EXO1: variants seen among roughly 807,000 people sequenced by gnomAD.
EXO1 encodes exonuclease 1.
EXO1 carries 69 observed loss-of-function variants against 84.5 expected under a neutral mutation model. The ratio of observed to expected loss-of-function variants is 0.82; its 90% confidence interval spans 0.67 to 1.00. The LOEUF is 1.00. Ranked by LOEUF, EXO1 falls within the 50% of genes least tolerant of loss-of-function variation. The pLI, the probability that EXO1 is intolerant of heterozygous loss-of-function variation, is 0.00. For missense variants in EXO1, 1,045 were observed against 1,000.7 expected (o/e 1.04, Z -0.60); for synonymous variants, 373 against 366.1 (o/e 1.02, Z -0.21).
chr1:241,881,953 G>C lies in EXO1; in HGVS notation c.2147G>C (p.Ser716Thr). 6.3e-7 allele frequency: 1 copy of C among 1,582,838 alleles called. No homozygotes were observed. The highest frequency in any genetic ancestry group is 8.7e-7 in the Non-Finnish European group (1 of 1,153,864). ...AATATTAAGTTACTTGACAGTCAAAGTGACCAGACCTCCAAGCTACGTTTA... is the reference window on the plus strand; with the variant it reads ...AATATTAAGTTACTTGACAGTCAAACTGACCAGACCTCCAAGCTACGTTTA... ...DCNIKLLDSQ[S>T]DQTSKLRLSH... Residue 716 changes from serine to threonine, a missense_variant, in exon 14 of 16, where the codon AGT (serine) becomes ACT (threonine). Physicochemically the swap from Ser to Thr is moderately conservative, Grantham distance 58. Transcript: ENST00000366548.
In EXO1 at chr1:241,853,433, C is replaced by T. The variant is rs768725549; in HGVS notation, c.357C>T (p.Phe119=). The T allele has an allele frequency of 1.9e-6, 3 of 1,613,850 alleles. No individual in the cohort carries two copies. The highest frequency in any genetic ancestry group is 1.7e-5 in the Admixed American group (1 of 59,982). ...AAGTCTCGGAAGCTCGAGAGTGTTT[C>T]ACCCGGTCTATCAATATCACACATG... The part of the protein sequence containing the change: ...EGKVSEAREC[F]TRSINITHAM... Residue 119 remains phenylalanine (F), a synonymous_variant, in exon 6 of 16, where the codon TTC becomes TTT. Coordinates refer to ENST00000366548, the MANE Select transcript of EXO1 (RefSeq NM_130398.4).
intron 8 of EXO1, among the ~76,000 whole-genome samples, chr1:241,859,274 T>TA (rs1244701037): frequency 6.6e-6 from 1 of 152,158 alleles, no homozygotes; most frequent in Non-Finnish European, 1.5e-5. Context: ...AGAGGAATCA[T>TA]ACATTTATGC....
At position 241,879,005 on chromosome 1, in the gene EXO1, A is replaced by G; in HGVS notation, c.1771A>G (p.Ser591Gly). Residue 591 changes from serine (S) to glycine (G), a missense_variant, in exon 13 of 16, where the codon AGC (serine) becomes GGC (glycine). Physicochemically the swap from Ser to Gly is moderately conservative, Grantham distance 56 (BLOSUM62 0). Coordinates refer to ENST00000366548, the MANE Select transcript of EXO1 (RefSeq NM_130398.4). ...TDEESYSFES[S>G]KFTRTISPPT... is the part of the protein sequence containing the mutation. ...TGAAGAGTCCTACTCTTTTGAGAGC[A>G]GCAAATTTACAAGGACCATTTCACC... The G allele has an allele frequency of 3.7e-6, 6 of 1,614,204 alleles. No homozygotes were observed. Among genetic ancestry groups the G allele is most frequent in the Non-Finnish European group, 5.1e-6 (6 of 1,180,020 alleles).
At chr1:241,883,408 T>C (rs1300640436) in intron 14 of EXO1, among the ~76,000 whole-genome samples, 1 of 152,198 alleles carries the variant, frequency 6.6e-6, no homozygotes. Flanking sequence ...GCTGTGTCCT[T>C]ACATGGTAGA....
Position 241,879,066 on chromosome 1 carries a change from G to A in EXO1, c.1832G>A (p.Trp611Ter). 1 of 1,614,172 alleles carries A rather than the reference G, an allele frequency of 6.2e-7. No homozygotes were observed. The highest frequency in any genetic ancestry group is 8.5e-7 in the Non-Finnish European group (1 of 1,180,028). Reference sequence around the variant, plus strand: ...GGAACACTAAGAAGTTGTTTTAGTTGGTCTGGAGGTCTTGGAGATTTTTCA... The same window carrying A: ...GGAACACTAAGAAGTTGTTTTAGTTAGTCTGGAGGTCTTGGAGATTTTTCA... Reference protein sequence around the residue: ...TLGTLRSCFSWSGGLGDFSRT... With the variant: ...TLGTLRSCFS Residue 611 changes from tryptophan to a stop codon, truncating the protein, a stop_gained, in exon 13 of 16, where the codon TGG (tryptophan) becomes TAG (stop). Coordinates refer to ENST00000366548, the MANE Select transcript of EXO1 (RefSeq NM_130398.4). LOFTEE classifies it high-confidence loss of function.
chr1:241,886,151 C>T (rs999433984), intron 15 of EXO1, among the ~76,000 whole-genome samples: 2 of 152,156 alleles, frequency 1.3e-5, no homozygotes, highest in Non-Finnish European at 2.9e-5. Flanking sequence ...CACGCCCAGA[C>T]AAGAATAAAA....
At position 241,889,806 on chromosome 1, in the gene EXO1, G is replaced by A. The variant is rs1001941501; in HGVS notation, c.*206G>A. On this transcript the variant is annotated 3_prime_UTR_variant, in exon 16 of 16. Coordinates refer to ENST00000366548, the MANE Select transcript of EXO1 (RefSeq NM_130398.4). ...TATTTTTATAAGAAGCTAAATAGAAGAATAATTGTATCTCTGACAGGTTTT... is the reference window on the plus strand; with the variant it reads ...TATTTTTATAAGAAGCTAAATAGAAAAATAATTGTATCTCTGACAGGTTTT... The A allele has an allele frequency of 8.8e-6, 5 of 569,568 alleles. No individual in the cohort carries two copies. In the African/African-American group the frequency reaches 9.4e-5, roughly 11 times the overall value. 35.3% of individuals were successfully genotyped at this position (569,568 alleles called of 1,614,324 possible).
chr1:241,849,619 A>G (rs1389642998), intron 3 of EXO1, among the ~76,000 whole-genome samples: 2 of 152,262 alleles, frequency 1.3e-5, no homozygotes, highest in Non-Finnish European at 2.9e-5. Context: ...AGTCCTAAAA[A>G]AGTACAGGAT....
chr1:241,866,434 C>T (rs1166777829), intron 10 of EXO1, among the ~76,000 whole-genome samples: 2 of 152,106 alleles, frequency 1.3e-5, no homozygotes, highest in Non-Finnish European at 2.9e-5. Flanking sequence ...TAAAAGACAC[C>T]GTTTTCCTGA....
At chr1:241,884,674 T>TGTGTATGCAC (rs67560872) in intron 14 of EXO1, among the ~76,000 whole-genome samples, 2 of 149,698 alleles carry the variant, frequency 1.3e-5, no homozygotes, top group Admixed American at 6.7e-5. Context: ...TGTGTGTGTG[T>TGTGTATGCAC]GTGCACGTGC....
At chr1:241,854,342 G>C (rs934230531) in intron 6 of EXO1, among the ~76,000 whole-genome samples, 1 of 152,110 alleles carries the variant, frequency 6.6e-6, no homozygotes, top group African/African-American at 2.4e-5. Context: ...TCTCCATATT[G>C]GTCACGCTGG....
At chr1:241,859,328 TA>T (rs1463065129) in intron 8 of EXO1, among the ~76,000 whole-genome samples, 2 of 152,188 alleles carry the variant, frequency 1.3e-5, no homozygotes, top group Non-Finnish European at 2.9e-5. Context: ...TGTGTTCGTA[TA>T]CAAGTTGAAC....
chr1:241,850,342 C>T, intron 3 of EXO1, 67 bp from the exon 4 acceptor site: 1 of 1,089,234 alleles, frequency 9.2e-7, no homozygotes, highest in Non-Finnish European at 1.4e-6. Flanking sequence ...CTTCATTTGT[C>T]TAAGATGTTT....
rs368265472 is a variant in EXO1 at position 241,851,935 on chromosome 1, C to CT, written c.162-354dup. On this transcript the variant is annotated intron_variant, in intron 4 of 15. Transcript: ENST00000366548. ...AGAATCCAGTGTTTATTGTACTATT[C>CT]TTTCAACTTTTCAATAGATTTGAAA... Among the ~76,000 whole-genome samples, 306 of 152,262 alleles carry CT rather than the reference C, an allele frequency of 2.0e-3. 2 individuals are homozygous for CT. The highest frequency in any genetic ancestry group is 7.1e-3 in the African/African-American group (293 of 41,548).
rs200405005 is a variant in EXO1, at chr1:241,860,724, A to G, written c.944+20A>G. On this transcript the variant is annotated intron_variant, in intron 9 of 15. Transcript: ENST00000366548. Reference sequence around the variant, plus strand: ...TGGGCAGTATCCTTTCTGAAACAGAATGGTAGAATTTGTGCATTTTTCTTC... The same window carrying G: ...TGGGCAGTATCCTTTCTGAAACAGAGTGGTAGAATTTGTGCATTTTTCTTC... 11 of 1,595,954 alleles carry G rather than the reference A, an allele frequency of 6.9e-6. No individual in the cohort carries two copies. The highest frequency in any genetic ancestry group is 2.7e-5 in the African/African-American group (2 of 74,694).
chr1:241,862,236 C>T lies in EXO1; in HGVS notation c.1041+734C>T, dbSNP rs1229685281. ...TACAGGCGTGAGCCACCACTCCTAG[C>T]CGCGATTTGCTGTTTTCTTCTGCTT... is the stretch of plus-strand genomic sequence containing the variant. On this transcript the variant is annotated intron_variant, in intron 10 of 15. Transcript: ENST00000366548. Among the ~76,000 whole-genome samples the T allele has an allele frequency of 3.9e-5, 6 of 152,216 alleles. No homozygotes were observed. In the East Asian group the frequency reaches 9.6e-4, roughly 24 times the overall value.
chr1:241,855,137 G>A (rs4149885), intron 6 of EXO1, among the ~76,000 whole-genome samples: 3,885 of 152,300 alleles, frequency 0.026, 164 homozygotes, highest in African/African-American at 0.089. Flanking sequence ...GGTTGCCACT[G>A]CTGGCTGGGG....
chr1:241,869,393 T>G (rs1191281200), intron 11 of EXO1, among the ~76,000 whole-genome samples: 2 of 152,222 alleles, frequency 1.3e-5, no homozygotes, highest in African/African-American at 4.8e-5. Flanking sequence ...GGGAATTTTT[T>G]CACCATAGAG....
At chr1:241,858,462 A>G (rs1661187682) in intron 7 of EXO1, 44 bp from the exon 8 acceptor site, 19 of 1,239,200 alleles carry the variant, frequency 1.5e-5, no homozygotes, top group Non-Finnish European at 2.3e-5. Flanking sequence ...GATAATGACA[A>G]AAGTGGCCCT....
Sources: allele counts gnomAD v4.1 joint callset (sites outside exome capture counted in the v4.1 genomes callset), GRCh38; gene constraint gnomAD v4.1.1; transcripts MANE v1.5; gene names NCBI Gene and HGNC (gene_info 2026-07-23, HGNC 2026-07-21).